DLGAP4: variants seen among roughly 807,000 people sequenced by gnomAD.
DLGAP4 encodes the protein DLG associated protein 4.
DLGAP4 carries 18 observed loss-of-function variants against 86.9 expected under a neutral mutation model. That is an observed-to-expected ratio of 0.21 (90% confidence interval 0.14 to 0.31). DLGAP4 has a LOEUF of 0.31. DLGAP4 is among the 10% of genes least tolerant of loss of function. The pLI, the probability that DLGAP4 is intolerant of heterozygous loss-of-function variation, is 1.00. For synonymous variants in DLGAP4, 548 were observed against 574.3 expected (o/e 0.95, Z 0.65); for missense variants, 1,085 against 1,362.6 (o/e 0.80, Z 3.21).
chr20:36,358,701 G>A (rs1383519091), intron 1 of DLGAP4, among the ~76,000 whole-genome samples: 1 of 152,226 alleles, frequency 6.6e-6, no homozygotes, highest in African/African-American at 2.4e-5. Flanking sequence ...CCAGCTACTC[G>A]GGAGGCTGAG....
At chr20:36,461,834 C>T (rs1368240070) in intron 7 of DLGAP4, 3 of 982,074 alleles carry the variant, frequency 3.1e-6, no homozygotes, top group African/African-American at 1.8e-5. Context: ...CGCTTTGTCT[C>T]TCCCCGGCTC....
At chr20:36,341,662 C>T (rs1317246205) in intron 1 of DLGAP4, among the ~76,000 whole-genome samples, 1 of 152,248 alleles carries the variant, frequency 6.6e-6, no homozygotes, top group Middle Eastern at 3.2e-3. Context: ...CCCAGATCTG[C>T]ACTTGGGTGG....
intron 7 of DLGAP4, among the ~76,000 whole-genome samples, chr20:36,450,103 T>C (rs1337287353): frequency 6.6e-6 from 1 of 152,216 alleles, no homozygotes; most frequent in Admixed American, 6.5e-5. Flanking sequence ...ACACAAGTCA[T>C]ATGACTGAGC....
In DLGAP4 at chr20:36,310,539, G is replaced by C. The variant is rs1448979854; in HGVS notation, c.-304+4027G>C. Among the ~76,000 whole-genome samples the C allele has an allele frequency of 3.3e-5, 5 of 152,208 alleles. No individual in the cohort carries two copies. In the East Asian group the frequency reaches 9.6e-4, roughly 29 times the overall value. Reference sequence around the variant, plus strand: ...GACCTTCTGCCTTCCACTGTCCGAAGTCTGTGATCCTGGGAGCCCTGCATC... The same window carrying C: ...GACCTTCTGCCTTCCACTGTCCGAACTCTGTGATCCTGGGAGCCCTGCATC... On this transcript the variant is annotated intron_variant, in intron 1 of 12. Transcript: ENST00000339266.
chr20:36,487,860 A>C (rs1459764937), intron 7 of DLGAP4, among the ~76,000 whole-genome samples: 1 of 152,188 alleles, frequency 6.6e-6, no homozygotes, highest in Non-Finnish European at 1.5e-5. Flanking sequence ...CCCGGAGCAC[A>C]TTGAGTATCA....
chr20:36,318,643 G>A (rs1314905590), intron 1 of DLGAP4, among the ~76,000 whole-genome samples: 1 of 152,090 alleles, frequency 6.6e-6, no homozygotes, highest in South Asian at 2.1e-4. Context: ...CAAAGTGCTG[G>A]GATTACAGGT....
In DLGAP4 at chr20:36,327,862, A is replaced by G. The variant is rs1299684780; in HGVS notation, c.-304+21350A>G. ...CGCCTCGGCCTCCCAAAGTGCTGGG[A>G]TTACAGGCGTGAGCCACCGCGCCCG... On this transcript the variant is annotated intron_variant, in intron 1 of 12. Transcript: ENST00000339266. Among the ~76,000 whole-genome samples the G allele has an allele frequency of 3.8e-3, 550 of 142,894 alleles. 6 individuals are homozygous for G. The highest frequency in any genetic ancestry group is 0.013 in the African/African-American group (503 of 39,950). The allele number at this position is 142,894 out of a possible 152,430, so 93.7% of individuals were successfully genotyped here. A position where few individuals can be genotyped will look rare whatever the true frequency, so the allele number is the denominator to read the frequency against.
intron 10 of DLGAP4, among the ~76,000 whole-genome samples, chr20:36,509,820 T>A (rs2036588227): frequency 6.6e-6 from 1 of 152,174 alleles, no homozygotes. Context: ...ACTGTGCCTA[T>A]TATAATATGA....
intron 10 of DLGAP4, among the ~76,000 whole-genome samples, chr20:36,504,146 G>A (rs2036263420): frequency 6.6e-6 from 1 of 151,992 alleles, no homozygotes; most frequent in African/African-American, 2.4e-5. Context: ...CAATTCAGTG[G>A]CATTAATTAT....
At chr20:36,401,271 TC>T (rs1212571132) in intron 2 of DLGAP4, among the ~76,000 whole-genome samples, 1 of 152,228 alleles carries the variant, frequency 6.6e-6, no homozygotes, top group Non-Finnish European at 1.5e-5. Flanking sequence ...ATCTTAAATG[TC>T]CTCTGCAAAC....
chr20:36,436,113 C>CCGG lies in DLGAP4; in HGVS notation c.1016_1018dup (p.Gly339dup), dbSNP rs763222969. The CCGG allele has an allele frequency of 1.2e-5, 19 of 1,568,290 alleles. No individual in the cohort carries two copies. In the Admixed American group the frequency reaches 1.2e-4, roughly 10 times the overall value. On this transcript the variant is annotated inframe_insertion, in exon 4 of 13. Coordinates refer to ENST00000339266, the MANE Select transcript of DLGAP4 (RefSeq NM_001365621.2). ...AGTCCTGTGCCCCATCCCCAGGTGC[C>CCGG]CGGCGGCGGCGGCGAGTGGAGCACC... is the stretch of plus-strand genomic sequence containing the variant.
At chr20:36,402,451 T>C (rs2032189823) in intron 2 of DLGAP4, among the ~76,000 whole-genome samples, 1 of 152,186 alleles carries the variant, frequency 6.6e-6, no homozygotes, top group Non-Finnish European at 1.5e-5. Context: ...ACTACTGCTA[T>C]CATCATCATT....
chr20:36,382,978 T>C (rs138454244), intron 2 of DLGAP4, among the ~76,000 whole-genome samples: 1 of 152,326 alleles, frequency 6.6e-6, no homozygotes, highest in African/African-American at 2.4e-5. Context: ...GGGGGAATGT[T>C]TACTAAGCTG....
chr20:36,484,215 A>G (rs933867655), intron 7 of DLGAP4, among the ~76,000 whole-genome samples: 8 of 152,058 alleles, frequency 5.3e-5, no homozygotes, highest in Non-Finnish European at 1.0e-4. Flanking sequence ...CGATATAGTT[A>G]AAGTGCTTCA....
chr20:36,461,730 T>TGTTC (rs1555906097), intron 7 of DLGAP4: 8 of 854,924 alleles, frequency 9.4e-6, no homozygotes, highest in Non-Finnish European at 9.3e-6. Context: ...CCTCCCCGTC[T>TGTTC]GTCCGTCCGT....
chr20:36,470,142 C>T (rs1569510882), intron 7 of DLGAP4, among the ~76,000 whole-genome samples: 1 of 152,162 alleles, frequency 6.6e-6, no homozygotes. Context: ...GACCTTCCTT[C>T]CCCTTCCCCT....
At chr20:36,320,612 T>C (rs2065158597) in intron 1 of DLGAP4, among the ~76,000 whole-genome samples, 1 of 152,114 alleles carries the variant, frequency 6.6e-6, no homozygotes, top group Admixed American at 6.5e-5. Flanking sequence ...CCAGACAGAT[T>C]CTGCATCCAC....
At chr20:36,518,935 G>T (rs1046704254) in intron 10 of DLGAP4, among the ~76,000 whole-genome samples, 1 of 152,030 alleles carries the variant, frequency 6.6e-6, no homozygotes, top group African/African-American at 2.4e-5. Context: ...GGTCAACATC[G>T]TGAAACCCCC....
At position 36,500,623 on chromosome 20, in the gene DLGAP4, A is replaced by G. The variant is rs368815525; in HGVS notation, c.2512+12A>G. 4.9e-5 allele frequency: 73 copies of G among 1,481,648 alleles called. 1 individual carries two copies. The Middle Eastern group carries it at 5.4e-4, about 11-fold the overall frequency. The allele number at this position is 1,481,648 out of a possible 1,614,324, so 91.8% of individuals were successfully genotyped here. A position where few individuals can be genotyped will look rare whatever the true frequency, so the allele number is the denominator to read the frequency against. ...CCTCTCTGAAGAAGGTGGGTGCCACATGGATGGTCCTTGGGCAAGGGTAGA... is the reference window on the plus strand; with the variant it reads ...CCTCTCTGAAGAAGGTGGGTGCCACGTGGATGGTCCTTGGGCAAGGGTAGA... On this transcript the variant is annotated intron_variant, in intron 10 of 12. Transcript: ENST00000339266. This position sits in a 1 kb window ranked among gnomAD's most constrained non-coding sequence, Gnocchi z 4.6.
Sources: allele counts gnomAD v4.1 joint callset (sites outside exome capture counted in the v4.1 genomes callset), GRCh38; gene constraint gnomAD v4.1.1; non-coding constraint Gnocchi (gnomAD v3.1); transcripts MANE v1.5; gene names NCBI Gene and HGNC (gene_info 2026-07-23, HGNC 2026-07-21).